PCDHGB2: variants seen among roughly 807,000 people sequenced by gnomAD.
PCDHGB2 encodes protocadherin gamma subfamily B, 2, also known as protocadherin gamma-B2.
A neutral mutation model predicts 59.3 loss-of-function variants in PCDHGB2; 55 were observed. The observed-to-expected ratio is 0.93, with a 90% CI of 0.75 to 1.16. The LOEUF (loss-of-function observed/expected upper bound fraction) is 1.16. PCDHGB2 is among the 50% of genes most tolerant of loss of function. The pLI is 0.00. For missense variants in PCDHGB2, 1,228 were observed against 1,198.5 expected (o/e 1.02, Z -0.36); for synonymous variants, 516 against 512.0 (o/e 1.01, Z -0.11).
intron 1 of PCDHGB2, among the ~76,000 whole-genome samples, chr5:141,387,359 C>A (rs2150333777): frequency 6.6e-6 from 1 of 152,208 alleles, no homozygotes; most frequent in East Asian, 1.9e-4. Flanking sequence ...TAGGCCAAGT[C>A]TGTGTTATGG....
chr5:141,413,668 G>T lies in PCDHGB2; in HGVS notation c.2421+51112G>T, dbSNP rs1286766786. ...TCCTCTCCCGGAAGCTATTGATCCG[G>T]ATGTGGGCGTGAACTCCCTGCAGAG... is the stretch of plus-strand genomic sequence containing the variant. On this transcript the variant is annotated intron_variant, in intron 1 of 3. Transcript: ENST00000522605. 6 of 1,613,754 alleles carry T rather than the reference G, an allele frequency of 3.7e-6. No homozygotes were observed. The Admixed American group carries it at 8.3e-5, about 22-fold the overall frequency.
intron 1 of PCDHGB2, chr5:141,404,354 G>A (rs749866543): frequency 6.2e-7 from 1 of 1,613,916 alleles, no homozygotes; most frequent in Non-Finnish European, 8.5e-7. Flanking sequence ...CAACGCCAGA[G>A]GTACTTCCAT....
At chr5:141,449,450 T>C (rs1269861041) in intron 1 of PCDHGB2, among the ~76,000 whole-genome samples, 2 of 151,216 alleles carry the variant, frequency 1.3e-5, no homozygotes, top group Non-Finnish European at 2.9e-5. Context: ...CTACTAAAAA[T>C]ACAAAAATTA....
intron 1 of PCDHGB2, chr5:141,394,056 G>C (rs776550132): frequency 6.2e-7 from 1 of 1,613,734 alleles, no homozygotes; most frequent in Non-Finnish European, 8.5e-7. Flanking sequence ...CCGAGAAAAT[G>C]TCTCTATCTA....
In PCDHGB2 at chr5:141,361,502, C is replaced by T; in HGVS notation, c.1367C>T (p.Ser456Phe). The T allele has an allele frequency of 3.1e-6, 5 of 1,614,038 alleles. No homozygotes were observed. Among genetic ancestry groups the T allele is most frequent in the Non-Finnish European group, 4.2e-6 (5 of 1,179,890 alleles). ...AATGCCCCAGTTTTCCAACAGACTT[C>T]CTACATGGTTCACGTGGCAGAGAAC... ...NDNAPVFQQT[S>F]YMVHVAENNP... is the part of the protein sequence containing the mutation. The change falls in exon 1 of 4, where the codon TCC (serine) becomes TTC (phenylalanine). Residue 456 changes from serine (S) to phenylalanine (F), a missense_variant. Physicochemically the swap from Ser to Phe is radical, Grantham distance 155. Around this residue, in one of 3 missense-constraint regions of PCDHGB2, gnomAD observed 781 missense variants for 721.6 expected, o/e 1.08. Coordinates refer to ENST00000522605, the MANE Select transcript of PCDHGB2 (RefSeq NM_018923.3).
At chr5:141,413,330 T>C (rs770842309) in intron 1 of PCDHGB2, 1 of 1,613,930 alleles carries the variant, frequency 6.2e-7, no homozygotes. Context: ...GTGGGCAACA[T>C]CTCCAAGGAC....
At chr5:141,365,830 C>T in intron 1 of PCDHGB2, 6 of 1,613,946 alleles carry the variant, frequency 3.7e-6, no homozygotes, top group Non-Finnish European at 5.1e-6. Flanking sequence ...AGGGGGCGCC[C>T]TTGTCCTCCT....
At chr5:141,417,129 T>C (rs887933624) in intron 1 of PCDHGB2, 2 of 152,218 alleles carry the variant, frequency 1.3e-5, no homozygotes, top group South Asian at 2.1e-4. Context: ...TGGATGATGG[T>C]AATGACTAGG....
chr5:141,371,160 C>T, intron 1 of PCDHGB2: 4 of 1,614,022 alleles, frequency 2.5e-6, no homozygotes, highest in Non-Finnish European at 2.5e-6. Context: ...AGAGAACCTG[C>T]CCGCTGGCTC....
chr5:141,428,081 C>T (rs768842388), intron 1 of PCDHGB2: 2 of 1,609,218 alleles, frequency 1.2e-6, no homozygotes, highest in Non-Finnish European at 1.7e-6. Context: ...CGGGACACAA[C>T]GCTTGGCTGT....
In PCDHGB2 at chr5:141,432,647, C is replaced by T; in HGVS notation, c.2422-62160C>T. On this transcript the variant is annotated intron_variant, in intron 1 of 3. Coordinates refer to ENST00000522605, the MANE Select transcript of PCDHGB2 (RefSeq NM_018923.3). This position sits in a 1 kb window ranked among gnomAD's most constrained non-coding sequence, Gnocchi z 6.0. ...GCACACGGGCGAGGTGCGCACGGCG[C>T]GAGCCCTGCTGGACAGAGACGCGCT... 3 of 1,613,796 alleles carry T rather than the reference C, an allele frequency of 1.9e-6. No homozygotes were observed. Among genetic ancestry groups the T allele is most frequent in the Admixed American group, 1.7e-5 (1 of 60,008 alleles).
At chr5:141,372,562 C>G in intron 1 of PCDHGB2, 1 of 1,614,054 alleles carries the variant, frequency 6.2e-7, no homozygotes. Context: ...AGACCCGCCA[C>G]TGAGGGCTAC....
At chr5:141,422,847 C>T (rs1271794821) in intron 1 of PCDHGB2, 2 of 1,614,116 alleles carry the variant, frequency 1.2e-6, no homozygotes, top group Non-Finnish European at 1.7e-6. Context: ...ACAGCGGGGA[C>T]CCGCCCCTCA....
Position 141,361,181 on chromosome 5 carries a change from T to C in PCDHGB2, c.1046T>C (p.Val349Ala). Residue 349 changes from valine (V) to alanine (A), a missense_variant, in exon 1 of 4, where the codon GTG becomes GCG. Coordinates refer to ENST00000522605, the MANE Select transcript of PCDHGB2 (RefSeq NM_018923.3). ...AACGATTGTGCACCTGAAGTTATTG[T>C]GACTTCAGTATCTACTCCCCTACCG... The part of the protein sequence containing the change: ...DDNDCAPEVI[V>A]TSVSTPLPED... The C allele has an allele frequency of 6.2e-7, 1 of 1,613,970 alleles. No homozygotes were observed.
rs1221295650 is a variant in PCDHGB2 at position 141,489,576 on chromosome 5, C to A, written c.2422-5231C>A. 3 of 1,613,936 alleles carry A rather than the reference C, an allele frequency of 1.9e-6. No individual in the cohort carries two copies. Among genetic ancestry groups the A allele is most frequent in the Non-Finnish European group, 2.5e-6 (3 of 1,179,984 alleles). ...TGCCAGTGCAGGTGGTGACTGAACA[C>A]CCCCTGGAGCTAATCCGTGTAGAGG... On this transcript the variant is annotated intron_variant, in intron 1 of 3. Transcript: ENST00000522605. This position sits in a 1 kb window ranked among gnomAD's most constrained non-coding sequence, Gnocchi z 4.5.
intron 3 of PCDHGB2, among the ~76,000 whole-genome samples, chr5:141,509,049 C>G (rs1384134813): frequency 3.3e-5 from 5 of 152,150 alleles, no homozygotes; most frequent in Non-Finnish European, 5.9e-5. Context: ...TCCCCCGCCC[C>G]CAGAAAGCTC....
In PCDHGB2 at chr5:141,432,498, G is replaced by A. The variant is rs766191511; in HGVS notation, c.2422-62309G>A. Reference sequence around the variant, plus strand: ...TCCACTGGCGTGGAGCTGGCTCCCCGCTCCGCAGAGCCCGGCTACCTGGTG... The same window carrying A: ...TCCACTGGCGTGGAGCTGGCTCCCCACTCCGCAGAGCCCGGCTACCTGGTG... On this transcript the variant is annotated intron_variant, in intron 1 of 3. Coordinates refer to ENST00000522605, the MANE Select transcript of PCDHGB2 (RefSeq NM_018923.3). This position sits in a 1 kb window ranked among gnomAD's most constrained non-coding sequence, Gnocchi z 6.0. The A allele has an allele frequency of 1.9e-6, 3 of 1,614,106 alleles. No homozygotes were observed. The highest frequency in any genetic ancestry group is 2.5e-6 in the Non-Finnish European group (3 of 1,180,052).
In PCDHGB2 at chr5:141,417,886, C is replaced by G. The variant is rs1330007520; in HGVS notation, c.2421+55330C>G. Reference sequence around the variant, plus strand: ...TGGGAGGGAGCTGCGCGCAGAGGCGCCGGGCCGGCCCGCGGCAGGTACTAT... The same window carrying G: ...TGGGAGGGAGCTGCGCGCAGAGGCGGCGGGCCGGCCCGCGGCAGGTACTAT... On this transcript the variant is annotated intron_variant, in intron 1 of 3. Transcript: ENST00000522605. The G allele has an allele frequency of 9.0e-6, 14 of 1,563,624 alleles. No individual in the cohort carries two copies. The African/African-American group carries it at 1.9e-4, about 21-fold the overall frequency.
At chr5:141,441,886 A>C (rs2098281968) in intron 1 of PCDHGB2, 1 of 345,040 alleles carries the variant, frequency 2.9e-6, no homozygotes, top group Non-Finnish European at 5.6e-6. Flanking sequence ...CCTGGTCACC[A>C]AGGTGGTGGC....
Sources: gnomAD v4.1 joint callset for allele counts (sites outside exome capture counted in the v4.1 genomes callset) on GRCh38, gnomAD v4.1.1 for gene constraint, gnomAD v4.1.1 regional missense constraint, Gnocchi (gnomAD v3.1) non-coding constraint, MANE v1.5 for transcripts, NCBI Gene and HGNC (gene_info 2026-07-23, HGNC 2026-07-21) for gene names.